The following VIPR2 variants were observed in gnomAD, a reference collection of about 807,000 sequenced individuals.
VIPR2 encodes vasoactive intestinal peptide receptor 2.
A neutral mutation model predicts 58.0 loss-of-function variants in VIPR2; 48 were observed. The ratio of observed to expected loss-of-function variants is 0.83; its 90% CI spans 0.66 to 1.05. The LOEUF is 1.05. Ranked by LOEUF, VIPR2 falls within the 50% of genes least tolerant of loss-of-function variation. The pLI is 0.00. For synonymous variants in VIPR2, 243 were observed against 235.2 expected (o/e 1.03, Z -0.30); for missense variants, 534 against 558.0 (o/e 0.96, Z 0.43).
At chr7:159,140,913 A>T (rs1317584587) in intron 2 of VIPR2, among the ~76,000 whole-genome samples, 1 of 151,738 alleles carries the variant, frequency 6.6e-6, no homozygotes, top group Non-Finnish European at 1.5e-5. Context: ...GAGCCATCAG[A>T]TGGCTCCAGG....
At chr7:159,055,938 C>T (rs1287353357) in intron 5 of VIPR2, among the ~76,000 whole-genome samples, 1 of 152,192 alleles carries the variant, frequency 6.6e-6, no homozygotes, top group African/African-American at 2.4e-5. Context: ...CCAGAGTCTG[C>T]TCATTAGCAA....
chr7:159,106,931 A>C (rs1795766310), intron 3 of VIPR2, among the ~76,000 whole-genome samples: 1 of 150,956 alleles, frequency 6.6e-6, no homozygotes, highest in Admixed American at 6.6e-5. Flanking sequence ...GGAGGTGCAG[A>C]GAGATCAGGG....
At position 159,144,754 on chromosome 7, in the gene VIPR2, A is replaced by G. The variant is rs1207993973; in HGVS notation, c.18T>C (p.Pro6=). The G allele has an allele frequency of 3.1e-6, 4 of 1,273,266 alleles. No individual in the cohort carries two copies. Among genetic ancestry groups the G allele is most frequent in the Non-Finnish European group, 4.0e-6 (4 of 1,011,464 alleles). The allele number at this position is 1,273,266 out of a possible 1,614,324, so 78.9% of individuals were successfully genotyped here. A position where few individuals can be genotyped will look rare whatever the true frequency, so the allele number is the denominator to read the frequency against. The change falls in exon 1 of 13, where the codon CCT becomes CCC. Residue 6 remains proline, a synonymous_variant. Transcript: ENST00000262178. MRTLL[P]PALLTCWLLA... ...GCAGCCAGCAGGTCAGCAGCGCGGG[A>G]GGCAGCAGCGTCCGCATCCCGAGCT...
intron 5 of VIPR2, among the ~76,000 whole-genome samples, chr7:159,054,876 TCTA>T (rs1480987425): frequency 1.3e-5 from 2 of 152,242 alleles, no homozygotes; most frequent in Non-Finnish European, 2.9e-5. Context: ...TATTAGCATA[TCTA>T]CTGGCAGTAT....
Position 159,128,923 on chromosome 7 carries a change from C to A in VIPR2, c.151+13523G>T, listed in dbSNP as rs1239794896. ...TCCATCTGCTGCACACCAAAGCCCA[C>A]CACCCTTCAAGCTCCAGGGCAAAGC... On this transcript the variant is annotated intron_variant, in intron 2 of 12. Transcript: ENST00000262178. The surrounding 1 kb of genome is among the most constrained non-coding windows in gnomAD (Gnocchi z 4.1). Among the ~76,000 whole-genome samples, 1 of 152,190 alleles carries A rather than the reference C, an allele frequency of 6.6e-6. No individual in the cohort carries two copies. Among genetic ancestry groups the A allele is most frequent in the African/African-American group, 2.4e-5 (1 of 41,452 alleles).
At chr7:159,091,121 C>T (rs1433393143) in intron 4 of VIPR2, among the ~76,000 whole-genome samples, 1 of 152,248 alleles carries the variant, frequency 6.6e-6, no homozygotes, top group East Asian at 1.9e-4. Flanking sequence ...ACCATTTTAC[C>T]AAACCGGTAA....
intron 4 of VIPR2, chr7:159,059,167 T>C (rs1855490725): frequency 1.3e-5 from 6 of 465,628 alleles, no homozygotes; most frequent in Non-Finnish European, 2.7e-5. Flanking sequence ...GAGGGATTCA[T>C]GATCATCATG....
At chr7:159,064,104 CAT>C (rs147875403) in intron 4 of VIPR2, among the ~76,000 whole-genome samples, 9,187 of 151,344 alleles carry the variant, frequency 0.061, 514 homozygotes, top group East Asian at 0.16. Context: ...AAACGCCTCT[CAT>C]GTGATTCTGG....
intron 6 of VIPR2, among the ~76,000 whole-genome samples, chr7:159,037,531 T>G (rs1317286702): frequency 6.6e-6 from 1 of 152,210 alleles, no homozygotes; most frequent in Admixed American, 6.5e-5. Context: ...TTTTTTTAAA[T>G]TTTTGACAAC....
In VIPR2 at chr7:159,096,025, A is replaced by C. The variant is rs1325150144; in HGVS notation, c.357+7732T>G. On this transcript the variant is annotated intron_variant, in intron 4 of 12. Coordinates refer to ENST00000262178, the MANE Select transcript of VIPR2 (RefSeq NM_003382.5). The surrounding 1 kb of genome is among the most constrained non-coding windows in gnomAD (Gnocchi z 5.5). ...CAAGCTGCAGGACGCACACCTTCTC[A>C]GAACCAGCGCCCCTGCCCCACCCAC... Among the ~76,000 whole-genome samples the C allele has an allele frequency of 6.6e-6, 1 of 152,120 alleles. No individual in the cohort carries two copies. The highest frequency in any genetic ancestry group is 1.5e-5 in the Non-Finnish European group (1 of 68,004).
intron 2 of VIPR2, among the ~76,000 whole-genome samples, chr7:159,119,847 C>T (rs575219987): frequency 6.7e-6 from 1 of 149,916 alleles, no homozygotes; most frequent in African/African-American, 2.5e-5. Flanking sequence ...GGAAGAAACA[C>T]CTGTCCCCCT....
chr7:159,120,116 G>T (rs151098697), intron 2 of VIPR2, among the ~76,000 whole-genome samples: 69 of 152,324 alleles, frequency 4.5e-4, no homozygotes, highest in African/African-American at 1.1e-3. Context: ...TTCTGCACCT[G>T]CTGAGGGTCC....
intron 2 of VIPR2, among the ~76,000 whole-genome samples, chr7:159,122,391 C>T (rs17837881): frequency 0.15 from 22,450 of 152,208 alleles, 1,753 homozygotes; most frequent in Non-Finnish European, 0.16. Context: ...GTGCTCCCAT[C>T]GGAATCTCTC....
At chr7:159,124,382 C>A (rs979354660) in intron 2 of VIPR2, among the ~76,000 whole-genome samples, 8 of 152,126 alleles carry the variant, frequency 5.3e-5, no homozygotes, top group African/African-American at 1.9e-4. Flanking sequence ...GTTATCCCAG[C>A]ACCATTTAAT....
At chr7:159,125,645 A>G (rs1284699211) in intron 2 of VIPR2, among the ~76,000 whole-genome samples, 1 of 152,182 alleles carries the variant, frequency 6.6e-6, no homozygotes, top group Non-Finnish European at 1.5e-5. Context: ...TGGAGCCTTC[A>G]AGGGGCTGCT....
At chr7:159,084,425 G>T (rs1404444481) in intron 4 of VIPR2, among the ~76,000 whole-genome samples, 3 of 152,254 alleles carry the variant, frequency 2.0e-5, no homozygotes, top group Non-Finnish European at 4.4e-5. Context: ...GGATGTGGGG[G>T]CCCCTGGCGC....
chr7:159,132,793 C>CAGACAGAATGATTGGCATACAGAT (rs1563355044), intron 2 of VIPR2, among the ~76,000 whole-genome samples: 9 of 31,982 alleles, frequency 2.8e-4, no homozygotes, highest in South Asian at 1.9e-3. Context: ...GGCATACAGA[C>CAGACAGAATGATTGGCATACAGAT]TGATTTCAGA....
At chr7:159,067,965 C>G (rs1856182593) in intron 4 of VIPR2, among the ~76,000 whole-genome samples, 1 of 152,346 alleles carries the variant, frequency 6.6e-6, no homozygotes, top group African/African-American at 2.4e-5. Context: ...GGCCGCTAGC[C>G]CCTCTCTGCA....
chr7:159,095,768 C>T lies in VIPR2; in HGVS notation c.357+7989G>A, dbSNP rs1337618455. Among the ~76,000 whole-genome samples, 1 of 152,124 alleles carries T rather than the reference C, an allele frequency of 6.6e-6. No homozygotes were observed. Among genetic ancestry groups the T allele is most frequent in the African/African-American group, 2.4e-5 (1 of 41,434 alleles). On this transcript the variant is annotated intron_variant, in intron 4 of 12. Coordinates refer to ENST00000262178, the MANE Select transcript of VIPR2 (RefSeq NM_003382.5). The surrounding 1 kb of genome is among the most constrained non-coding windows in gnomAD (Gnocchi z 5.2). ...AATCACATCGACATGACAGTTGGTG[C>T]CGACCTGACAGGCAGTAGGTGAATC...
Sources: gnomAD v4.1 joint callset for allele counts (sites outside exome capture counted in the v4.1 genomes callset) on GRCh38, gnomAD v4.1.1 for gene constraint, Gnocchi (gnomAD v3.1) non-coding constraint, MANE v1.5 for transcripts, NCBI Gene and HGNC (gene_info 2026-07-23, HGNC 2026-07-21) for gene names.